Variants in LRRC28 observed in about 807,000 individuals in gnomAD.
LRRC28 encodes the protein leucine rich repeat containing 28, also known as leucine-rich repeat-containing protein 28.
A neutral mutation model predicts 45.7 loss-of-function variants in LRRC28; 39 were observed. The ratio of observed to expected loss-of-function variants is 0.85; its 90% confidence interval spans 0.66 to 1.12. The LOEUF (loss-of-function observed/expected upper bound fraction) is 1.12. Ranked by LOEUF, LRRC28 falls within the 50% of genes most tolerant of loss-of-function variation. The pLI, the probability that LRRC28 is intolerant of heterozygous loss-of-function variation, is 0.00. For missense variants in LRRC28, 435 were observed against 438.5 expected, an observed-to-expected ratio of 0.99 and a Z score of 0.07; for synonymous variants, 206 against 178.8, an observed-to-expected ratio of 1.15 and a Z score of -1.22.
At chr15:99,362,981 A>G (rs1340742312) in intron 8 of LRRC28, 125 bp from the exon 9 acceptor site, 6 of 1,067,882 alleles carry the variant, frequency 5.6e-6, no homozygotes, top group East Asian at 4.9e-5. Context: ...CAATCAGATA[A>G]CAGAATTTTC....
intron 3 of LRRC28, among the ~76,000 whole-genome samples, chr15:99,277,259 G>A (rs2081643140): frequency 1.3e-5 from 2 of 151,960 alleles, no homozygotes; most frequent in African/African-American, 4.8e-5. Flanking sequence ...GGTCAAGGAA[G>A]GAAAGCTAGC....
chr15:99,365,442 T>C (rs1404945609), intron 9 of LRRC28, among the ~76,000 whole-genome samples: 1 of 152,236 alleles, frequency 6.6e-6, no homozygotes, highest in Non-Finnish European at 1.5e-5. Flanking sequence ...GTTTGTGGCT[T>C]TCATTCAGCC....
At chr15:99,346,695 T>G (rs1490091923) in intron 6 of LRRC28, among the ~76,000 whole-genome samples, 2 of 152,164 alleles carry the variant, frequency 1.3e-5, no homozygotes, top group Non-Finnish European at 2.9e-5. Context: ...AATATTTTGT[T>G]TATACTAAAG....
intron 5 of LRRC28, among the ~76,000 whole-genome samples, chr15:99,328,134 C>T (rs1956044758): frequency 6.6e-6 from 1 of 152,102 alleles, no homozygotes; most frequent in African/African-American, 2.4e-5. Context: ...GTGGTCTGTC[C>T]TGGAGAATAT....
At chr15:99,269,404 G>A (rs1052206053) in intron 2 of LRRC28, among the ~76,000 whole-genome samples, 4 of 152,012 alleles carry the variant, frequency 2.6e-5, no homozygotes, top group African/African-American at 9.7e-5. Context: ...CCAGCCACAT[G>A]TGCTGTTAAC....
chr15:99,375,839 G>A (rs1210136965), intron 9 of LRRC28, among the ~76,000 whole-genome samples: 2 of 151,800 alleles, frequency 1.3e-5, no homozygotes, highest in African/African-American at 2.4e-5. Flanking sequence ...ATATTAATTC[G>A]TGTGTTCTCT....
At chr15:99,310,862 C>T (rs2152264461) in intron 5 of LRRC28, among the ~76,000 whole-genome samples, 1 of 152,304 alleles carries the variant, frequency 6.6e-6, no homozygotes, top group African/African-American at 2.4e-5. Context: ...ATTTTCTGTG[C>T]TGTAGATAAA....
intron 9 of LRRC28, 170 bp downstream of exon 9, chr15:99,363,435 C>G: frequency 1.5e-6 from 1 of 653,352 alleles, no homozygotes; most frequent in Non-Finnish European, 2.5e-6. Context: ...CACAAGAAAA[C>G]TGGACTTGCC....
intron 9 of LRRC28, among the ~76,000 whole-genome samples, chr15:99,385,725 CGT>C (rs1395599892): frequency 6.7e-6 from 1 of 149,406 alleles, no homozygotes; most frequent in East Asian, 1.9e-4. Flanking sequence ...GAGTTCGAAA[CGT>C]AATGTGGAAA....
At chr15:99,299,722 A>AC (rs1024079473) in intron 5 of LRRC28, among the ~76,000 whole-genome samples, 6 of 151,578 alleles carry the variant, frequency 4.0e-5, no homozygotes, top group African/African-American at 7.3e-5. Flanking sequence ...TTTGTTATGA[A>AC]CCCCCCCACT....
chr15:99,379,634 G>T (rs541399473), intron 9 of LRRC28, among the ~76,000 whole-genome samples: 4 of 152,110 alleles, frequency 2.6e-5, no homozygotes, highest in Admixed American at 2.0e-4. Context: ...TGTGATGTTA[G>T]GGTGTCAATT....
chr15:99,291,984 T>C (rs1376736320), intron 5 of LRRC28, among the ~76,000 whole-genome samples: 5 of 152,256 alleles, frequency 3.3e-5, no homozygotes, highest in African/African-American at 2.4e-5. Flanking sequence ...TTTTGAATTA[T>C]AGGAGATATC....
intron 9 of LRRC28, among the ~76,000 whole-genome samples, chr15:99,382,657 A>G (rs1957863713): frequency 6.6e-6 from 1 of 152,060 alleles, no homozygotes; most frequent in Non-Finnish European, 1.5e-5. Context: ...AGATTTTGTA[A>G]ACATTCTCAT....
At chr15:99,328,930 A>T (rs982709296) in intron 5 of LRRC28, among the ~76,000 whole-genome samples, 1 of 151,912 alleles carries the variant, frequency 6.6e-6, no homozygotes, top group Admixed American at 6.6e-5. Context: ...CACTGTAGAT[A>T]TCCCAGCGTT....
At chr15:99,320,739 A>G (rs1597338907) in intron 5 of LRRC28, 2 of 152,232 alleles carry the variant, frequency 1.3e-5, no homozygotes, top group African/African-American at 4.8e-5. Context: ...AGACCAGGTA[A>G]GGCATAGATT....
Position 99,330,498 on chromosome 15 carries a change from G to A in LRRC28, c.386-3425G>A, listed in dbSNP as rs186210636. ...TTACTATTATGAAATATTCGTCTTT[G>A]CCTCTTATAGCATTTCTTGTCTATT... On this transcript the variant is annotated intron_variant, in intron 5 of 9. Coordinates refer to ENST00000301981, the MANE Select transcript of LRRC28 (RefSeq NM_144598.5). 2.6e-3 allele frequency among the ~76,000 whole-genome samples: 397 copies of A among 151,970 alleles called. 5 individuals are homozygous for A. Among genetic ancestry groups the A allele is most frequent in the African/African-American group, 9.0e-3 (371 of 41,428 alleles).
intron 7 of LRRC28, among the ~76,000 whole-genome samples, chr15:99,354,317 A>G (rs1171911554): frequency 4.6e-5 from 7 of 152,220 alleles, no homozygotes; most frequent in Non-Finnish European, 1.0e-4. Flanking sequence ...CAGAATTTTA[A>G]TAGATGATAA....
intron 5 of LRRC28, among the ~76,000 whole-genome samples, chr15:99,328,274 T>C (rs1956049411): frequency 6.6e-6 from 1 of 152,202 alleles, no homozygotes; most frequent in Non-Finnish European, 1.5e-5. Flanking sequence ...GAACCCCAAA[T>C]GTTGAAAGAT....
rs562555657 is a variant in LRRC28, at chr15:99,339,842, C to T, written c.592+5713C>T. On this transcript the variant is annotated intron_variant, in intron 6 of 9. Transcript: ENST00000301981. ...ACAGCTAGTAGAAAATAACTTTCTA[C>T]GAGGGAAAATTAACTGGGTTTCTAA... is the stretch of plus-strand genomic sequence containing the variant. Among the ~76,000 whole-genome samples the T allele has an allele frequency of 7.5e-4, 114 of 152,182 alleles. 1 individual carries two copies. The highest frequency in any genetic ancestry group is 2.7e-3 in the African/African-American group (112 of 41,526).
Sources: allele counts gnomAD v4.1 joint callset (sites outside exome capture counted in the v4.1 genomes callset), GRCh38; gene constraint gnomAD v4.1.1; transcripts MANE v1.5; gene names NCBI Gene and HGNC (gene_info 2026-07-23, HGNC 2026-07-21).